The following GRIN2D variants were observed in gnomAD, a reference collection of about 807,000 sequenced individuals.
The protein encoded by GRIN2D is glutamate receptor ionotropic, NMDA 2D.
Under a neutral mutation model 103.2 loss-of-function variants are expected in GRIN2D, and 37 were observed. That is an observed-to-expected ratio of 0.36 (90% CI 0.28 to 0.47). The LOEUF is 0.47. Among genes scored for constraint, GRIN2D ranks in the 20% least tolerant of loss-of-function variants. The pLI is 1.00. For synonymous variants in GRIN2D, 845 were observed against 885.6 expected (o/e 0.95, Z 0.81); for missense variants, 1,557 against 1,910.6 (o/e 0.81, Z 3.45).
chr19:48,423,002 G>C (rs560248497), intron 11 of GRIN2D, among the ~76,000 whole-genome samples: 81 of 152,212 alleles, frequency 5.3e-4, no homozygotes, highest in Non-Finnish European at 1.1e-3. Flanking sequence ...TTTGAGGTCA[G>C]GAGTTTGAGA....
chr19:48,400,049 AC>A (rs1454244806), intron 3 of GRIN2D, among the ~76,000 whole-genome samples: 4 of 152,138 alleles, frequency 2.6e-5, no homozygotes, highest in African/African-American at 7.2e-5. Flanking sequence ...GTGGAGGCCG[AC>A]CCAGCCAATG....
intron 11 of GRIN2D, among the ~76,000 whole-genome samples, chr19:48,424,768 G>A (rs919268025): frequency 2.0e-5 from 3 of 152,052 alleles, no homozygotes; most frequent in African/African-American, 4.8e-5. Context: ...CCCTAGTGGC[G>A]TGTCACTGCT....
rs757446304 is a variant in GRIN2D at position 48,405,330 on chromosome 19, C to A, written c.1062C>A (p.Thr354=). 3.1e-6 allele frequency: 5 copies of A among 1,592,086 alleles called. No homozygotes were observed. The highest frequency in any genetic ancestry group is 1.7e-4 in the Middle Eastern group (1 of 5,944). Residue 354 remains threonine (T), a synonymous_variant, in exon 4 of 14, where the codon ACC becomes ACA. Coordinates refer to ENST00000263269, the MANE Select transcript of GRIN2D (RefSeq NM_000836.4). The surrounding 1 kb of genome is among the most constrained non-coding windows in gnomAD (Gnocchi z 5.1). ...ACGACTGTCGCGCCCAGAACCGCAC[C>A]CACCGCGGCGAGAGTCTGCATAGGT... ...LGHDCRAQNR[T]HRGESLHRYF...
At position 48,422,246 on chromosome 19, in the gene GRIN2D, C is replaced by T. The variant is rs79396267; in HGVS notation, c.2252+301C>T. Among the ~76,000 whole-genome samples, 174 of 152,308 alleles carry T rather than the reference C, an allele frequency of 1.1e-3. 2 individuals carry two copies. The East Asian group carries it at 0.03, about 26-fold the overall frequency. The stretch of plus-strand genomic sequence containing the variant: ...GGCAAGTTACTCAGCCTCTCTGAAC[C>T]TCTGTTTCCTCCTCTGTAAAATGAG... On this transcript the variant is annotated intron_variant, in intron 11 of 13. Coordinates refer to ENST00000263269, the MANE Select transcript of GRIN2D (RefSeq NM_000836.4).
intron 4 of GRIN2D, among the ~76,000 whole-genome samples, chr19:48,411,982 C>T (rs1970867391): frequency 6.6e-6 from 1 of 151,122 alleles, no homozygotes; most frequent in African/African-American, 2.4e-5. Flanking sequence ...CACTTGAACT[C>T]AGGAGTTCAA....
Position 48,414,737 on chromosome 19 carries a change from C to G in GRIN2D, c.1413-127C>G, listed in dbSNP as rs759896624. On this transcript the variant is annotated intron_variant, in intron 6 of 13. Coordinates refer to ENST00000263269, the MANE Select transcript of GRIN2D (RefSeq NM_000836.4). This position sits in a 1 kb window ranked among gnomAD's most constrained non-coding sequence, Gnocchi z 4.6. ...AGGCAAACCTCAGAATTCTTTGAGC[C>G]TGAGTTTCCCCTGAAAGCGCTAACC... The G allele has an allele frequency of 1.5e-6, 2 of 1,298,962 alleles. No individual in the cohort carries two copies. Among genetic ancestry groups the G allele is most frequent in the Non-Finnish European group, 2.1e-6 (2 of 935,924 alleles). The allele number at this position is 1,298,962 out of a possible 1,614,324, so 80.5% of individuals were successfully genotyped here.
chr19:48,422,680 G>A (rs1212713696), intron 11 of GRIN2D, among the ~76,000 whole-genome samples: 3 of 151,852 alleles, frequency 2.0e-5, no homozygotes, highest in Non-Finnish European at 4.4e-5. Flanking sequence ...AACAGTGCCC[G>A]GTGCACTATA....
intron 11 of GRIN2D, among the ~76,000 whole-genome samples, chr19:48,426,224 C>CTTTTTTTTTTTTTTTTTTTTTT (rs369360320): frequency 2.3e-4 from 28 of 120,070 alleles, no homozygotes; most frequent in Non-Finnish European, 3.5e-4. Flanking sequence ...TTCTTTCTTT[C>CTTTTTTTTTTTTTTTTTTTTTT]TTTTTTTTTT....
Position 48,440,054 on chromosome 19 carries a change from A to G in GRIN2D, c.2253-1715A>G, listed in dbSNP as rs140872774. Among the ~76,000 whole-genome samples, 396 of 152,126 alleles carry G rather than the reference A, an allele frequency of 2.6e-3. 2 individuals carry two copies. Among genetic ancestry groups the G allele is most frequent in the African/African-American group, 8.9e-3 (370 of 41,508 alleles). On this transcript the variant is annotated intron_variant, in intron 11 of 13. Coordinates refer to ENST00000263269, the MANE Select transcript of GRIN2D (RefSeq NM_000836.4). ...TGGTGAAACCCCATCTCTACTAAAA[A>G]TACAAAATTAGCCGTGTGTGGTGGT...
In GRIN2D at chr19:48,404,957, C is replaced by T. The variant is rs1444199804; in HGVS notation, c.689C>T (p.Ala230Val). The T allele has an allele frequency of 6.2e-7, 1 of 1,612,476 alleles. No homozygotes were observed. Among genetic ancestry groups the T allele is most frequent in the Non-Finnish European group, 8.5e-7 (1 of 1,179,556 alleles). The change falls in exon 4 of 14, where the codon GCC becomes GTC. Residue 230 changes from alanine (A) to valine (V), a missense_variant. This residue lies in a region of GRIN2D where 490 missense variants were observed against 601.1 expected (regional missense o/e 0.82). Coordinates refer to ENST00000263269, the MANE Select transcript of GRIN2D (RefSeq NM_000836.4). Reference sequence around the variant, plus strand: ...ACGCTGGACCCTGGGGCGGGCGAGGCCGTGCTCAGTGCCCAGCTCCGCAGT... The same window carrying T: ...ACGCTGGACCCTGGGGCGGGCGAGGTCGTGCTCAGTGCCCAGCTCCGCAGT... ...ALTLDPGAGE[A>V]VLSAQLRSVS... is the part of the protein sequence containing the mutation.
At chr19:48,398,947 T>C in intron 3 of GRIN2D, 90 bp downstream of exon 3, 1 of 1,056,796 alleles carries the variant, frequency 9.5e-7, no homozygotes, top group Non-Finnish European at 1.2e-6. Flanking sequence ...GGGCGGGGCC[T>C]AGAGGGGGCG....
At position 48,443,244 on chromosome 19, in the gene GRIN2D, C is replaced by G. The variant is rs372869544; in HGVS notation, c.3318C>G (p.Leu1106=). ...CCGCGCCGCCCCCGTGCCCTTACCT[C>G]GATCTCGAGCCGTCGCCGTCGGACT... is the stretch of plus-strand genomic sequence containing the variant. The part of the protein sequence containing the change: ...CRAAPPPCPY[L]DLEPSPSDSE... Residue 1106 remains leucine, a synonymous_variant, in exon 14 of 14, where the codon CTC becomes CTG. Coordinates refer to ENST00000263269, the MANE Select transcript of GRIN2D (RefSeq NM_000836.4). The surrounding 1 kb of genome is among the most constrained non-coding windows in gnomAD (Gnocchi z 8.9). 6.0e-6 allele frequency: 9 copies of G among 1,492,054 alleles called. No individual in the cohort carries two copies. The highest frequency in any genetic ancestry group is 2.1e-5 in the Admixed American group (1 of 47,856). The allele number at this position is 1,492,054 out of a possible 1,614,324, so 92.4% of individuals were successfully genotyped here.
chr19:48,423,656 C>T (rs548165458), intron 11 of GRIN2D, among the ~76,000 whole-genome samples: 4 of 151,968 alleles, frequency 2.6e-5, no homozygotes, highest in Admixed American at 2.0e-4. Flanking sequence ...GGAGGAACAG[C>T]AAGAAGGCCA....
intron 3 of GRIN2D, among the ~76,000 whole-genome samples, chr19:48,401,252 C>G (rs1970707543): frequency 6.6e-6 from 1 of 150,642 alleles, no homozygotes; most frequent in East Asian, 1.9e-4. Context: ...GAATACAGTT[C>G]TAGAGGGGGG....
intron 11 of GRIN2D, among the ~76,000 whole-genome samples, chr19:48,422,543 G>A (rs1175504970): frequency 6.6e-6 from 1 of 151,724 alleles, no homozygotes; most frequent in African/African-American, 2.4e-5. Flanking sequence ...CCTGGGAGTC[G>A]GAGGTTGCAG....
chr19:48,403,105 A>G (rs1056203868), intron 3 of GRIN2D, among the ~76,000 whole-genome samples: 1 of 150,548 alleles, frequency 6.6e-6, no homozygotes, highest in Non-Finnish European at 1.5e-5. Context: ...AGGCTGAGGC[A>G]GGAGAATTGC....
At position 48,442,636 on chromosome 19, in the gene GRIN2D, C is replaced by A; in HGVS notation, c.2710C>A (p.Pro904Thr). The A allele has an allele frequency of 6.7e-7, 1 of 1,493,176 alleles. No homozygotes were observed. The highest frequency in any genetic ancestry group is 8.9e-7 in the Non-Finnish European group (1 of 1,123,134). The allele number at this position is 1,493,176 out of a possible 1,614,324, so 92.5% of individuals were successfully genotyped here. ...CTGCTGCAGCGCTGAGGCCGCCCCA[C>A]CGCCCGCCAAGCCCCCGCCGCCGCC... ...YSCCSAEAAP[P>T]PAKPPPPPQP... The change falls in exon 14 of 14, where the codon CCG becomes ACG. Residue 904 changes from proline to threonine, a missense_variant. Physicochemically the swap from Pro to Thr is conservative, Grantham distance 38 (BLOSUM62 -1). Coordinates refer to ENST00000263269, the MANE Select transcript of GRIN2D (RefSeq NM_000836.4). The surrounding 1 kb of genome is among the most constrained non-coding windows in gnomAD (Gnocchi z 7.2).
Position 48,414,712 on chromosome 19 carries a change from A to T in GRIN2D, c.1412+128A>T. ...CAAAGCCCTCCAGCTTGGTGACCTT[A>T]GGCAAACCTCAGAATTCTTTGAGCC... On this transcript the variant is annotated intron_variant, in intron 6 of 13. Transcript: ENST00000263269. The surrounding 1 kb of genome is among the most constrained non-coding windows in gnomAD (Gnocchi z 4.6). The T allele has an allele frequency of 7.9e-7, 1 of 1,260,878 alleles. No individual in the cohort carries two copies. Among genetic ancestry groups the T allele is most frequent in the Non-Finnish European group, 1.1e-6 (1 of 908,716 alleles). The allele number at this position is 1,260,878 out of a possible 1,614,324, so 78.1% of individuals were successfully genotyped here. A position where few individuals can be genotyped will look rare whatever the true frequency, so the allele number is the denominator to read the frequency against.
At chr19:48,440,232 A>G (rs1367935928) in intron 11 of GRIN2D, among the ~76,000 whole-genome samples, 2 of 152,022 alleles carry the variant, frequency 1.3e-5, no homozygotes, top group African/African-American at 4.8e-5. Flanking sequence ...AAATAAATAA[A>G]TAAATAAATC....
Sources: gnomAD v4.1 joint callset for allele counts (sites outside exome capture counted in the v4.1 genomes callset) on GRCh38, gnomAD v4.1.1 for gene constraint, gnomAD v4.1.1 regional missense constraint, Gnocchi (gnomAD v3.1) non-coding constraint, MANE v1.5 for transcripts, NCBI Gene and HGNC (gene_info 2026-07-23, HGNC 2026-07-21) for gene names.